Variants in GPR158 observed in about 807,000 individuals in gnomAD.
The protein encoded by GPR158 is G protein-coupled receptor 158, also known as metabotropic glycine receptor.
In GPR158, 30 loss-of-function variants were observed where a neutral mutation model predicts 78.2. The ratio of observed to expected loss-of-function variants is 0.38; its 90% CI spans 0.29 to 0.52. The LOEUF (loss-of-function observed/expected upper bound fraction) is 0.52. GPR158 is among the 20% of genes least tolerant of loss of function. The pLI is 0.83. For missense variants in GPR158, 1,463 were observed against 1,523.5 expected, an observed-to-expected ratio of 0.96 and a Z score of 0.66; for synonymous variants, 581 against 591.1, an observed-to-expected ratio of 0.98 and a Z score of 0.25.
chr10:25,404,198 T>C (rs1050775082), intron 3 of GPR158, among the ~76,000 whole-genome samples: 43 of 152,246 alleles, frequency 2.8e-4, no homozygotes, highest in African/African-American at 9.9e-4. Context: ...TTAACTTTAG[T>C]TGCTTTTTGA....
chr10:25,460,061 A>G (rs952681274), intron 4 of GPR158, among the ~76,000 whole-genome samples: 2 of 152,170 alleles, frequency 1.3e-5, no homozygotes, highest in South Asian at 2.1e-4. Flanking sequence ...AAATTATAAG[A>G]TACAGTTTTT....
At chr10:25,537,710 G>T (rs1588903289) in intron 5 of GPR158, among the ~76,000 whole-genome samples, 2 of 152,132 alleles carry the variant, frequency 1.3e-5, no homozygotes, top group African/African-American at 4.8e-5. Context: ...TGTTGGAGGA[G>T]GGGCCTGGTG....
intron 7 of GPR158, among the ~76,000 whole-genome samples, chr10:25,581,933 A>G (rs7091731): frequency 0.27 from 41,085 of 152,140 alleles, 6,290 homozygotes; most frequent in Non-Finnish European, 0.35. Context: ...CACATGGCTG[A>G]GGAGGCCTCA....
chr10:25,245,722 C>T (rs993381541), intron 2 of GPR158, among the ~76,000 whole-genome samples: 7 of 152,274 alleles, frequency 4.6e-5, no homozygotes, highest in Middle Eastern at 3.4e-3. Flanking sequence ...CATAGAGTAA[C>T]TTCTCTCCTG....
chr10:25,206,907 G>A (rs560427175), intron 1 of GPR158, among the ~76,000 whole-genome samples: 10 of 150,328 alleles, frequency 6.7e-5, no homozygotes, highest in Non-Finnish European at 1.2e-4. Context: ...GCCAGAAGAC[G>A]TAAGGCTCCT....
Position 25,598,711 on chromosome 10 carries a change from G to C in GPR158, c.3085G>C (p.Val1029Leu), listed in dbSNP as rs770315576. ...TTCAGAATCAAAAGTTCAAAAGCAC[G>C]TATCTATTGTGGCTTCTGAAATGGA... The part of the protein sequence containing the change: ...VPSESKVQKH[V>L]SIVASEMEKN... Residue 1029 changes from valine to leucine, a missense_variant, in exon 11 of 11, where the codon GTA becomes CTA. Physicochemically the swap from Val to Leu is conservative, Grantham distance 32. Transcript: ENST00000376351. 1 of 1,613,938 alleles carries C rather than the reference G, an allele frequency of 6.2e-7. No individual in the cohort carries two copies. The highest frequency in any genetic ancestry group is 8.5e-7 in the Non-Finnish European group (1 of 1,179,966).
intron 1 of GPR158, among the ~76,000 whole-genome samples, chr10:25,209,040 G>A (rs1398866044): frequency 6.6e-6 from 1 of 151,848 alleles, no homozygotes; most frequent in East Asian, 1.9e-4. Flanking sequence ...ATTTTTATTA[G>A]AGATGGGGTT....
intron 5 of GPR158, among the ~76,000 whole-genome samples, chr10:25,530,576 G>C (rs1273476302): frequency 6.6e-6 from 1 of 152,166 alleles, no homozygotes; most frequent in African/African-American, 2.4e-5. Context: ...GTCCGCAACA[G>C]GCAGGAGAGT....
chr10:25,334,667 T>C (rs530780175), intron 2 of GPR158, among the ~76,000 whole-genome samples: 1 of 152,204 alleles, frequency 6.6e-6, no homozygotes, highest in South Asian at 2.1e-4. Context: ...GCTGGCTCAC[T>C]TCAGGCATTT....
Position 25,338,450 on chromosome 10 carries a change from AAT to A in GPR158, c.1009-57452_1009-57451del, listed in dbSNP as rs553293825. Among the ~76,000 whole-genome samples, 457 of 142,962 alleles carry A rather than the reference AAT, an allele frequency of 3.2e-3. 2 individuals are homozygous for A. The highest frequency in any genetic ancestry group is 0.011 in the African/African-American group (414 of 38,904). 93.8% of individuals were successfully genotyped at this position (142,962 alleles called of 152,430 possible). On this transcript the variant is annotated intron_variant, in intron 2 of 10. Transcript: ENST00000376351. ...TTATATATACGTATTATATATACGT[AAT>A]ATATATATTACGTATATTATACGTA...
intron 1 of GPR158, among the ~76,000 whole-genome samples, chr10:25,199,586 T>C (rs1852891625): frequency 1.3e-5 from 2 of 152,096 alleles, no homozygotes; most frequent in Non-Finnish European, 2.9e-5. Context: ...TGGGAGATGA[T>C]TGGATCATGG....
chr10:25,188,634 A>G (rs952666897), intron 1 of GPR158, among the ~76,000 whole-genome samples: 1 of 152,242 alleles, frequency 6.6e-6, no homozygotes, highest in East Asian at 1.9e-4. Flanking sequence ...AAATTAATTC[A>G]AGATGGATTG....
chr10:25,596,548 GATACCTATATA>G lies in GPR158; in HGVS notation c.1999-94_1999-84del. ...ATAGATAGATCTAGGTATAGATATA[GATACCTATATA>G]GATATAGGTATAGATATAGATATAG... On this transcript the variant is annotated intron_variant, in intron 9 of 10. Coordinates refer to ENST00000376351, the MANE Select transcript of GPR158 (RefSeq NM_020752.3). 8 of 778,274 alleles carry G rather than the reference GATACCTATATA, an allele frequency of 1.0e-5. No individual in the cohort carries two copies. The South Asian group carries it at 1.1e-4, about 10-fold the overall frequency. The allele number at this position is 778,274 out of a possible 1,614,324, so 48.2% of individuals were successfully genotyped here. A position where few individuals can be genotyped will look rare whatever the true frequency, so the allele number is the denominator to read the frequency against.
At chr10:25,181,905 A>T (rs556837185) in intron 1 of GPR158, among the ~76,000 whole-genome samples, 11 of 151,700 alleles carry the variant, frequency 7.3e-5, no homozygotes, top group Non-Finnish European at 1.5e-4. Flanking sequence ...TTTAGTAGAG[A>T]TGGGGTTTTG....
At chr10:25,339,837 T>C (rs2130504713) in intron 2 of GPR158, among the ~76,000 whole-genome samples, 1 of 152,260 alleles carries the variant, frequency 6.6e-6, no homozygotes, top group Non-Finnish European at 1.5e-5. Context: ...TAAACTGACC[T>C]TGTATTTCTG....
At chr10:25,241,125 TTTTCTTTCTTTC>T (rs752386158) in intron 2 of GPR158, among the ~76,000 whole-genome samples, 13,956 of 108,172 alleles carry the variant, frequency 0.13, 1,171 homozygotes, top group Non-Finnish European at 0.17. Flanking sequence ...TTTACTTTGA[TTTTCTTTCTTTC>T]TTTCTTTCTT....
intron 5 of GPR158, among the ~76,000 whole-genome samples, chr10:25,476,818 CCTT>C (rs1312330854): frequency 6.6e-6 from 1 of 152,108 alleles, no homozygotes; most frequent in Non-Finnish European, 1.5e-5. Context: ...CACCAGTCAT[CCTT>C]CTTCATTAGG....
chr10:25,271,496 T>C (rs149184875), intron 2 of GPR158, among the ~76,000 whole-genome samples: 9 of 152,326 alleles, frequency 5.9e-5, no homozygotes, highest in Non-Finnish European at 1.0e-4. Flanking sequence ...TTTTCAGAGT[T>C]GTCTGTTTCC....
intron 2 of GPR158, among the ~76,000 whole-genome samples, chr10:25,274,484 A>T (rs1854157291): frequency 6.6e-6 from 1 of 152,248 alleles, no homozygotes; most frequent in Non-Finnish European, 1.5e-5. Context: ...AGTTTGCAAC[A>T]TAGGTGATTT....
Sources: gnomAD v4.1 joint callset for allele counts (sites outside exome capture counted in the v4.1 genomes callset) on GRCh38, gnomAD v4.1.1 for gene constraint, MANE v1.5 for transcripts, NCBI Gene and HGNC (gene_info 2026-07-23, HGNC 2026-07-21) for gene names.